Variants in TBC1D5 observed in about 807,000 individuals in gnomAD.
The protein encoded by TBC1D5 is TBC1 domain family member 5, also known as TBC1 domain family, member 5.
Under a neutral mutation model 100.3 loss-of-function variants are expected in TBC1D5, and 75 were observed. The observed-to-expected ratio is 0.75, with a 90% confidence interval of 0.62 to 0.91. The LOEUF (loss-of-function observed/expected upper bound fraction) is 0.91. Ranked by LOEUF, TBC1D5 falls within the 40% of genes least tolerant of loss-of-function variation. TBC1D5 has a pLI of 0.00. For missense variants in TBC1D5, 910 were observed against 942.4 expected (o/e 0.97, Z 0.45); for synonymous variants, 323 against 325.6 (o/e 0.99, Z 0.09).
intron 13 of TBC1D5, among the ~76,000 whole-genome samples, chr3:17,321,268 T>C (rs1269344622): frequency 6.6e-6 from 1 of 152,206 alleles, no homozygotes; most frequent in Admixed American, 6.5e-5. Flanking sequence ...GACACTATGT[T>C]GCCCAGGTTG....
chr3:17,663,713 G>A (rs1000155185), intron 1 of TBC1D5, among the ~76,000 whole-genome samples: 2 of 151,962 alleles, frequency 1.3e-5, no homozygotes, highest in African/African-American at 4.8e-5. Flanking sequence ...GAAATAATGA[G>A]GGATATACAC....
intron 18 of TBC1D5, among the ~76,000 whole-genome samples, chr3:17,211,008 A>G (rs1248736319): frequency 6.6e-6 from 1 of 152,254 alleles, no homozygotes; most frequent in Non-Finnish European, 1.5e-5. Context: ...GAACAAAAAA[A>G]TCTATTAAAA....
At chr3:17,241,656 A>G (rs1235093670) in intron 16 of TBC1D5, among the ~76,000 whole-genome samples, 2 of 152,210 alleles carry the variant, frequency 1.3e-5, no homozygotes, top group African/African-American at 2.4e-5. Context: ...AAATACCTGT[A>G]CCAGAACCCA....
intron 3 of TBC1D5, among the ~76,000 whole-genome samples, chr3:17,451,105 C>G (rs983091233): frequency 1.3e-5 from 2 of 152,076 alleles, no homozygotes; most frequent in African/African-American, 4.8e-5. Flanking sequence ...AATTTTCAAC[C>G]CAAAATTTCA....
chr3:17,331,458 C>G (rs1224670625), intron 13 of TBC1D5, among the ~76,000 whole-genome samples: 1 of 152,184 alleles, frequency 6.6e-6, no homozygotes, highest in Non-Finnish European at 1.5e-5. Flanking sequence ...TGTTCTTCCT[C>G]TTAATAGAAA....
intron 18 of TBC1D5, among the ~76,000 whole-genome samples, chr3:17,191,150 T>C (rs781127747): frequency 3.7e-4 from 56 of 152,204 alleles, no homozygotes; most frequent in Non-Finnish European, 7.1e-4. Context: ...TGTGCAGCCA[T>C]ACTGGTGAAC....
intron 1 of TBC1D5, among the ~76,000 whole-genome samples, chr3:17,665,539 T>G (rs1158143476): frequency 6.6e-6 from 1 of 152,214 alleles, no homozygotes; most frequent in Non-Finnish European, 1.5e-5. Context: ...TAATACACTA[T>G]AAGTATTGCC....
At chr3:17,340,182 T>C (rs999425868) in intron 13 of TBC1D5, among the ~76,000 whole-genome samples, 9 of 152,168 alleles carry the variant, frequency 5.9e-5, no homozygotes, top group South Asian at 2.1e-4. Context: ...AGTTCTGTGT[T>C]TCCATTTCAT....
chr3:17,708,523 A>C (rs1159722693), intron 1 of TBC1D5, among the ~76,000 whole-genome samples: 1 of 152,132 alleles, frequency 6.6e-6, no homozygotes, highest in Non-Finnish European at 1.5e-5. Context: ...TTCTTTTATT[A>C]TGGGGGGGTC....
intron 2 of TBC1D5, among the ~76,000 whole-genome samples, chr3:17,568,337 A>G (rs2096605960): frequency 6.6e-6 from 1 of 151,542 alleles, no homozygotes; most frequent in African/African-American, 2.4e-5. Flanking sequence ...CTGCAGGTCA[A>G]CCACATTAAC....
intron 2 of TBC1D5, among the ~76,000 whole-genome samples, chr3:17,531,829 T>C (rs999379899): frequency 8.5e-5 from 13 of 152,204 alleles, no homozygotes; most frequent in African/African-American, 2.9e-4. Flanking sequence ...TATACAAAAA[T>C]TAATTCAAGA....
chr3:17,410,434 G>A (rs1469494179), intron 4 of TBC1D5, among the ~76,000 whole-genome samples: 2 of 152,108 alleles, frequency 1.3e-5, no homozygotes, highest in Admixed American at 1.3e-4. Context: ...CATGAAGTGG[G>A]GAGTCATTTC....
chr3:17,175,246 A>G (rs890435652), intron 19 of TBC1D5, among the ~76,000 whole-genome samples: 5 of 152,244 alleles, frequency 3.3e-5, no homozygotes, highest in Admixed American at 1.3e-4. Context: ...AACATTACTT[A>G]GGAAAATCTA....
rs147612252 is a variant in TBC1D5 at position 17,475,749 on chromosome 3, G to A, written c.97+32725C>T. Among the ~76,000 whole-genome samples the A allele has an allele frequency of 7.2e-5, 11 of 152,138 alleles. 1 individual carries two copies. The East Asian group carries it at 1.9e-3, about 27-fold the overall frequency. ...TTCCAGTTTTGTTATCATAAACAAT[G>A]TTCTTACACACAATTCTTGATGCAG... On this transcript the variant is annotated intron_variant, in intron 3 of 21. Coordinates refer to ENST00000253692, the Ensembl canonical transcript of TBC1D5.
chr3:17,657,647 T>C (rs2066223592), intron 1 of TBC1D5, among the ~76,000 whole-genome samples: 1 of 152,162 alleles, frequency 6.6e-6, no homozygotes, highest in African/African-American at 2.4e-5. Flanking sequence ...ACAAATTCTT[T>C]CTTTAGCTGC....
chr3:17,460,994 T>C (rs2095196737), intron 3 of TBC1D5, among the ~76,000 whole-genome samples: 1 of 152,160 alleles, frequency 6.6e-6, no homozygotes, highest in African/African-American at 2.4e-5. Flanking sequence ...AATAATAAGA[T>C]AACTGTGGTT....
At chr3:17,340,589 T>C (rs760932443) in intron 13 of TBC1D5, 8 of 152,208 alleles carry the variant, frequency 5.3e-5, no homozygotes, top group Non-Finnish European at 1.0e-4. Context: ...ATAGAAAATA[T>C]AGCCATGGGT....
intron 8 of TBC1D5, among the ~76,000 whole-genome samples, chr3:17,391,240 T>G (rs914137668): frequency 7.2e-5 from 11 of 152,146 alleles, no homozygotes; most frequent in African/African-American, 2.4e-4. Context: ...TTCTTCTTTC[T>G]TGGATCGCTT....
At chr3:17,335,013 G>C (rs1454747530) in intron 13 of TBC1D5, among the ~76,000 whole-genome samples, 3 of 150,624 alleles carry the variant, frequency 2.0e-5, no homozygotes, top group Admixed American at 6.6e-5. Context: ...ATCAAAATAA[G>C]ATGACAGAGA....
Sources: allele counts gnomAD v4.1 joint callset (sites outside exome capture counted in the v4.1 genomes callset), GRCh38; gene constraint gnomAD v4.1.1; transcripts MANE v1.5; gene names NCBI Gene and HGNC (gene_info 2026-07-23, HGNC 2026-07-21).